The following A1CF variants were observed in gnomAD, a reference collection of about 807,000 sequenced individuals.
The protein encoded by A1CF is APOBEC-1 stimulating protein.
Under a neutral mutation model 68.9 loss-of-function variants are expected in A1CF, and 48 were observed. The ratio of observed to expected loss-of-function variants is 0.70; its 90% CI spans 0.55 to 0.89. The LOEUF is 0.89. A1CF is among the 40% of genes least tolerant of loss of function. The probability of loss-of-function intolerance (pLI) is 0.00; values close to 1 mark genes in which losing one functional copy is unlikely to be tolerated. For missense variants in A1CF, 653 were observed against 718.9 expected, an observed-to-expected ratio of 0.91 and a Z score of 1.05; for synonymous variants, 272 against 260.4, an observed-to-expected ratio of 1.04 and a Z score of -0.43.
intron 1 of A1CF, among the ~76,000 whole-genome samples, chr10:50,884,235 T>C (rs1841907378): frequency 1.3e-5 from 2 of 152,342 alleles, no homozygotes; most frequent in African/African-American, 2.4e-5. Flanking sequence ...ACAAAGTATT[T>C]ATAGTGTTTT....
At chr10:50,827,525 G>T (rs1839011048) in intron 7 of A1CF, among the ~76,000 whole-genome samples, 1 of 152,186 alleles carries the variant, frequency 6.6e-6, no homozygotes, top group South Asian at 2.1e-4. Flanking sequence ...GCCTGCTCCT[G>T]AATGACTACT....
chr10:50,828,697 A>G (rs1365937224), intron 6 of A1CF, among the ~76,000 whole-genome samples: 1 of 152,084 alleles, frequency 6.6e-6, no homozygotes, highest in East Asian at 1.9e-4. Context: ...GAACATTAAG[A>G]AGGTTACTAG....
At position 50,866,830 on chromosome 10, in the gene A1CF, T is replaced by G. The variant is rs142851043; in HGVS notation, c.-93-2750A>C. Among the ~76,000 whole-genome samples the G allele has an allele frequency of 3.9e-4, 60 of 152,270 alleles. No individual in the cohort carries two copies. The East Asian group carries it at 0.011, about 27-fold the overall frequency. On this transcript the variant is annotated intron_variant, in intron 1 of 12. Coordinates refer to ENST00000373997, the MANE Select transcript of A1CF (RefSeq NM_014576.4). ...TCTTACTGCCCTAGCAGACCATAAG[T>G]TGGCAGCTAGGGAAACAGACAAAGA...
Position 50,855,385 on chromosome 10 carries a change from T to C in A1CF, c.99+4457A>G, listed in dbSNP as rs142785922. 6.0e-3 allele frequency among the ~76,000 whole-genome samples: 908 copies of C among 152,060 alleles called. 8 individuals carry two copies. The highest frequency in any genetic ancestry group is 0.02 in the African/African-American group (848 of 41,540). On this transcript the variant is annotated intron_variant, in intron 3 of 12. Transcript: ENST00000373997. ...ATGTTAATACTGCAGCACACTTCCT[T>C]ACAAAATATTTTTATAAGGCATAAT...
Position 50,844,009 on chromosome 10 carries a change from C to T in A1CF, c.213G>A (p.Glu71=), listed in dbSNP as rs773608763. The T allele has an allele frequency of 6.2e-7, 1 of 1,613,668 alleles. No homozygotes were observed. The highest frequency in any genetic ancestry group is 8.5e-7 in the Non-Finnish European group (1 of 1,179,762). Residue 71 remains glutamate (E), a synonymous_variant, in exon 4 of 13, where the codon GAG becomes GAA. Transcript: ENST00000373997. ...TCACTTTTTCACATAATGGTATAAGCTCATCCTCAAAAAGGTCTCGGGGAA... is the reference window on the plus strand; with the variant it reads ...TCACTTTTTCACATAATGGTATAAGTTCATCCTCAAAAAGGTCTCGGGGAA... ...GKLPRDLFED[E]LIPLCEKIGK...
In A1CF at chr10:50,859,986, C is replaced by T; in HGVS notation, c.-45-1G>A. On this transcript the variant is annotated splice_acceptor_variant, in intron 2 of 12. Transcript: ENST00000373997. LOFTEE classifies it low-confidence loss of function (5UTR_SPLICE). ...AAATCAGGTTAATTAGGGTTGCTCA[C>T]TGAAACCAAATTTAAGATAAATTAA... 1 of 1,487,504 alleles carries T rather than the reference C, an allele frequency of 6.7e-7. No individual in the cohort carries two copies. The highest frequency in any genetic ancestry group is 9.4e-7 in the Non-Finnish European group (1 of 1,067,258). 92.1% of individuals were successfully genotyped at this position (1,487,504 alleles called of 1,614,324 possible). A position where few individuals can be genotyped will look rare whatever the true frequency, so the allele number is the denominator to read the frequency against.
At chr10:50,858,238 T>C (rs1488772654) in intron 3 of A1CF, among the ~76,000 whole-genome samples, 1 of 152,068 alleles carries the variant, frequency 6.6e-6, no homozygotes, top group East Asian at 1.9e-4. Flanking sequence ...AAAATATCAA[T>C]TTTTTTAAAT....
In A1CF at chr10:50,802,797, A is replaced by C. The variant is rs1212318988; in HGVS notation, c.*3932T>G. ...CTTTATTCTACAAATGGCACACCTA[A>C]GAACCTCCCTGTCTATGTGGATTCT... is the stretch of plus-strand genomic sequence containing the variant. On this transcript the variant is annotated 3_prime_UTR_variant, in exon 13 of 13. Transcript: ENST00000373997. The C allele has an allele frequency of 6.6e-6, 1 of 152,218 alleles. No homozygotes were observed. The highest frequency in any genetic ancestry group is 1.9e-4 in the East Asian group (1 of 5,200). 9.4% of individuals were successfully genotyped at this position (152,218 alleles called of 1,614,324 possible). A position where few individuals can be genotyped will look rare whatever the true frequency, so the allele number is the denominator to read the frequency against.
intron 1 of A1CF, among the ~76,000 whole-genome samples, chr10:50,876,637 T>C (rs535371841): frequency 6.6e-6 from 1 of 152,302 alleles, no homozygotes; most frequent in Non-Finnish European, 1.5e-5. Context: ...TCTAACCTGA[T>C]GGCTTCTGGA....
At chr10:50,877,357 C>A (rs573200501) in intron 1 of A1CF, among the ~76,000 whole-genome samples, 1 of 152,248 alleles carries the variant, frequency 6.6e-6, no homozygotes, top group Admixed American at 6.5e-5. Flanking sequence ...TCTTTTTAAC[C>A]TTATTGAGAC....
chr10:50,850,537 T>C (rs947042827), intron 3 of A1CF: 77 of 1,285,000 alleles, frequency 6.0e-5, no homozygotes, highest in Non-Finnish European at 7.4e-5. Context: ...TTTTTCAAAA[T>C]TACAAAACAG....
At position 50,862,089 on chromosome 10, in the gene A1CF, G is replaced by T. The variant is rs1840773362; in HGVS notation, c.-46+1944C>A. On this transcript the variant is annotated intron_variant, in intron 2 of 12. Transcript: ENST00000373997. ...CATTTAGAAAGTGATATTTTGGCCA[G>T]GTGCAGTGGCTCTGGCCTGTAATCC... Among the ~76,000 whole-genome samples the T allele has an allele frequency of 3.3e-5, 5 of 152,098 alleles. No homozygotes were observed. In the East Asian group the frequency reaches 5.8e-4, roughly 18 times the overall value.
chr10:50,834,466 C>T (rs1839391496), intron 6 of A1CF, among the ~76,000 whole-genome samples: 1 of 152,096 alleles, frequency 6.6e-6, no homozygotes, highest in Non-Finnish European at 1.5e-5. Flanking sequence ...ATGGAAGTGT[C>T]TAGGTCATTG....
At chr10:50,853,362 T>A (rs1840335332) in intron 3 of A1CF, among the ~76,000 whole-genome samples, 1 of 152,192 alleles carries the variant, frequency 6.6e-6, no homozygotes, top group Admixed American at 6.6e-5. Flanking sequence ...TTTGCTCTCA[T>A]CTGGTAAGTC....
In A1CF at chr10:50,811,131, A is replaced by T; in HGVS notation, c.1369T>A (p.Tyr457Asn). 6.2e-7 allele frequency: 1 copy of T among 1,613,536 alleles called. No individual in the cohort carries two copies. The highest frequency in any genetic ancestry group is 8.5e-7 in the Non-Finnish European group (1 of 1,179,652). The change falls in exon 11 of 13, where the codon TAC (tyrosine) becomes AAC (asparagine). Residue 457 changes from tyrosine (Y) to asparagine (N), a missense_variant. Physicochemically the swap from Tyr to Asn is moderately radical, Grantham distance 143. Coordinates refer to ENST00000373997, the MANE Select transcript of A1CF (RefSeq NM_014576.4). The part of the protein sequence containing the change: ...CQKNNWGQPV[Y>N]QLHSAIGQDQ... Reference sequence around the variant, plus strand: ...TGTCCAATAGCAGAGTGCAGCTGGTACACTGGCTGTCCCCAGTTATTTTTC... The same window carrying T: ...TGTCCAATAGCAGAGTGCAGCTGGTTCACTGGCTGTCCCCAGTTATTTTTC...
At chr10:50,850,656 T>C in intron 3 of A1CF, 3 of 1,613,922 alleles carry the variant, frequency 1.9e-6, no homozygotes, top group Non-Finnish European at 1.7e-6. Flanking sequence ...TCTAAGACCC[T>C]CTGCTTACCT....
Position 50,801,881 on chromosome 10 carries a change from C to T in A1CF, c.*4848G>A, listed in dbSNP as rs1000808491. 6.6e-6 allele frequency: 1 copy of T among 152,116 alleles called. No homozygotes were observed. Among genetic ancestry groups the T allele is most frequent in the Non-Finnish European group, 1.5e-5 (1 of 68,022 alleles). 9.4% of individuals were successfully genotyped at this position (152,116 alleles called of 1,614,324 possible). ...GTGAGAGTACAAGGTTTTCTTTTAG[C>T]TTTCCTACAAAACCAAGGAGAACTG... is the stretch of plus-strand genomic sequence containing the variant. On this transcript the variant is annotated 3_prime_UTR_variant, in exon 13 of 13. Transcript: ENST00000373997.
At chr10:50,819,733 A>G (rs564012801) in intron 8 of A1CF, among the ~76,000 whole-genome samples, 1 of 152,140 alleles carries the variant, frequency 6.6e-6, no homozygotes, top group South Asian at 2.1e-4. Flanking sequence ...TGCCTCTAAG[A>G]CTTCCTGTCT....
chr10:50,879,097 T>C (rs190164631), intron 1 of A1CF, among the ~76,000 whole-genome samples: 2 of 152,302 alleles, frequency 1.3e-5, no homozygotes, highest in African/African-American at 4.8e-5. Flanking sequence ...CCAACTAATT[T>C]GTATTTTAAC....
Sources: allele counts gnomAD v4.1 joint callset (sites outside exome capture counted in the v4.1 genomes callset), GRCh38; gene constraint gnomAD v4.1.1; transcripts MANE v1.5; gene names NCBI Gene and HGNC (gene_info 2026-07-23, HGNC 2026-07-21).